Variants in MME observed in about 807,000 individuals in gnomAD.
The protein encoded by MME is neprilysin.
In MME, 98 loss-of-function variants were observed where a neutral mutation model predicts 113.2. The observed-to-expected ratio is 0.87, with a 90% confidence interval of 0.74 to 1.02. MME has a LOEUF of 1.02. Among genes scored for constraint, MME ranks in the 50% least tolerant of loss-of-function variants. The probability of loss-of-function intolerance (pLI) is 0.00; values close to 1 mark genes in which losing one functional copy is unlikely to be tolerated. For missense variants in MME, 836 were observed against 896.0 expected, an observed-to-expected ratio of 0.93 and a Z score of 0.86; for synonymous variants, 292 against 300.6, an observed-to-expected ratio of 0.97 and a Z score of 0.30.
At chr3:155,049,304 C>T (rs551158971) in intron 1 of MME, among the ~76,000 whole-genome samples, 8 of 151,934 alleles carry the variant, frequency 5.3e-5, no homozygotes, top group East Asian at 3.9e-4. Context: ...TTATAAGAAA[C>T]GGAAAAGGTC....
chr3:155,140,233 T>A lies in MME; in HGVS notation c.898T>A (p.Tyr300Asn). 6.2e-7 allele frequency: 1 copy of A among 1,612,994 alleles called. No individual in the cohort carries two copies. Among genetic ancestry groups the A allele is most frequent in the Non-Finnish European group, 8.5e-7 (1 of 1,179,336 alleles). Residue 300 changes from tyrosine to asparagine, a missense_variant, in exon 10 of 23, where the codon TAT (tyrosine) becomes AAT (asparagine). Coordinates refer to ENST00000360490, the MANE Select transcript of MME (RefSeq NM_007289.4). ...AGATCGAAATGATCCAATGCTTCTG[T>A]ATAACAAGATGACATTGGCCCAGAT... is the stretch of plus-strand genomic sequence containing the variant. ...PEDRNDPMLL[Y>N]NKMTLAQIQN...
At chr3:155,103,911 A>G (rs916812323) in intron 3 of MME, among the ~76,000 whole-genome samples, 1 of 152,240 alleles carries the variant, frequency 6.6e-6, no homozygotes, top group African/African-American at 2.4e-5. Context: ...ATGGAAGGAC[A>G]TTACAAGAGA....
At chr3:155,173,980 T>C (rs1308509131) in intron 22 of MME, among the ~76,000 whole-genome samples, 1 of 152,066 alleles carries the variant, frequency 6.6e-6, no homozygotes, top group Admixed American at 6.6e-5. Flanking sequence ...TTAATATAAA[T>C]GAAGAGCCTA....
At chr3:155,160,599 G>A (rs980564390) in intron 17 of MME, 151 bp downstream of exon 17, 35 of 595,298 alleles carry the variant, frequency 5.9e-5, no homozygotes, top group Admixed American at 9.9e-5. Context: ...AAATGCATCC[G>A]TGTACCTTCT....
chr3:155,063,622 ATATAT>A lies in MME; in HGVS notation c.-10-20529_-10-20525del, dbSNP rs1358723752. Among the ~76,000 whole-genome samples the A allele has an allele frequency of 6.5e-5, 8 of 123,572 alleles. No individual in the cohort carries two copies. The South Asian group carries it at 6.8e-4, about 10-fold the overall frequency. The allele number at this position is 123,572 out of a possible 152,430, so 81.1% of individuals were successfully genotyped here. A position where few individuals can be genotyped will look rare whatever the true frequency, so the allele number is the denominator to read the frequency against. On this transcript the variant is annotated intron_variant, in intron 1 of 22. Coordinates refer to the MME transcript ENST00000492661. ...ATTATATTTGATTATATAATATATA[ATATAT>A]TATATTTGATTATATATTATATTTG...
intron 17 of MME, among the ~76,000 whole-genome samples, chr3:155,162,865 T>C (rs1449443574): frequency 1.3e-5 from 2 of 151,502 alleles, no homozygotes; most frequent in Non-Finnish European, 2.9e-5. Context: ...ATACAAAAAT[T>C]AGCCCAGTGT....
At chr3:155,045,105 T>C (rs1311883702) in intron 1 of MME, among the ~76,000 whole-genome samples, 1 of 152,090 alleles carries the variant, frequency 6.6e-6, no homozygotes, top group Admixed American at 6.5e-5. Context: ...CAGAAAGTAG[T>C]CCTTCTATCT....
intron 3 of MME, 178 bp downstream of exon 3, chr3:155,085,272 T>C (rs1261779600): frequency 4.0e-6 from 2 of 495,004 alleles, no homozygotes; most frequent in Non-Finnish European, 7.2e-6. Context: ...AATTAACTTG[T>C]TTACTCTGAA....
chr3:155,127,155 C>T (rs939909784), intron 8 of MME, among the ~76,000 whole-genome samples: 1 of 152,134 alleles, frequency 6.6e-6, no homozygotes, highest in African/African-American at 2.4e-5. Context: ...TTGGCTAAGC[C>T]ACAGCAGTAA....
At chr3:155,112,956 T>C (rs902497981) in intron 3 of MME, among the ~76,000 whole-genome samples, 2 of 152,168 alleles carry the variant, frequency 1.3e-5, no homozygotes, top group South Asian at 2.1e-4. Context: ...TAGTCTCACA[T>C]TGAAGACAGA....
At chr3:155,070,999 C>G (rs1330794513) in intron 1 of MME, among the ~76,000 whole-genome samples, 3 of 152,170 alleles carry the variant, frequency 2.0e-5, no homozygotes, top group African/African-American at 7.2e-5. Context: ...ACAGGAAATG[C>G]ATCAGAGAGG....
At chr3:155,084,033 C>T in intron 1 of MME, 125 bp from the exon 2 acceptor site, 1 of 947,410 alleles carries the variant, frequency 1.1e-6, no homozygotes, top group East Asian at 2.6e-5. Context: ...GACTTCTCAA[C>T]AGCAAAAATG....
intron 16 of MME, among the ~76,000 whole-genome samples, chr3:155,157,294 C>T (rs968536062): frequency 4.6e-5 from 7 of 152,242 alleles, no homozygotes; most frequent in Non-Finnish European, 1.0e-4. Flanking sequence ...TACAGACCAC[C>T]AGAGGAAGGA....
chr3:155,037,574 T>A (rs1713167808), intron 1 of MME, among the ~76,000 whole-genome samples: 1 of 152,120 alleles, frequency 6.6e-6, no homozygotes, highest in East Asian at 1.9e-4. Context: ...GTCAGTAGAC[T>A]GAGCCCAGGG....
At chr3:155,040,777 T>C (rs191087269) in intron 1 of MME, among the ~76,000 whole-genome samples, 147 of 152,268 alleles carry the variant, frequency 9.7e-4, no homozygotes, top group Admixed American at 4.2e-3. Context: ...GGAAAACTAC[T>C]AAAGTCTTAT....
intron 3 of MME, among the ~76,000 whole-genome samples, chr3:155,113,602 G>C (rs1576599645): frequency 6.6e-6 from 1 of 152,256 alleles, no homozygotes; most frequent in East Asian, 1.9e-4. Flanking sequence ...TTTCAGCAAG[G>C]TTGTGGCCAG....
At chr3:155,060,944 C>T (rs1195055477) in intron 1 of MME, among the ~76,000 whole-genome samples, 1 of 152,126 alleles carries the variant, frequency 6.6e-6, no homozygotes, top group African/African-American at 2.4e-5. Context: ...CCCTCATAAC[C>T]TCACTTAATT....
chr3:155,092,141 G>A (rs1297345305), intron 3 of MME, among the ~76,000 whole-genome samples: 1 of 152,176 alleles, frequency 6.6e-6, no homozygotes, highest in Non-Finnish European at 1.5e-5. Flanking sequence ...CCACAATGGT[G>A]GTAGAGTGTG....
intron 22 of MME, among the ~76,000 whole-genome samples, chr3:155,174,337 T>C (rs1314301224): frequency 8.1e-6 from 1 of 123,530 alleles, no homozygotes; most frequent in African/African-American, 3.1e-5. Flanking sequence ...TGTGTGTGTG[T>C]GTGTGTGTGT....
Sources: gnomAD v4.1 joint callset for allele counts (sites outside exome capture counted in the v4.1 genomes callset) on GRCh38, gnomAD v4.1.1 for gene constraint, MANE v1.5 for transcripts, NCBI Gene and HGNC (gene_info 2026-07-23, HGNC 2026-07-21) for gene names.